The following PPP1R12B variants were observed in gnomAD, a reference collection of about 807,000 sequenced individuals.
PPP1R12B encodes protein phosphatase 1 regulatory subunit 12B.
PPP1R12B carries 76 observed loss-of-function variants against 126.1 expected under a neutral mutation model. That is an observed-to-expected ratio of 0.60 (90% CI 0.50 to 0.73). The LOEUF (loss-of-function observed/expected upper bound fraction) is 0.73, where lower values mean the gene tolerates loss of function less well. PPP1R12B is among the 30% of genes least tolerant of loss of function. The probability of loss-of-function intolerance (pLI) is 0.00; values close to 1 mark genes in which losing one functional copy is unlikely to be tolerated. For synonymous variants in PPP1R12B, 356 were observed against 434.7 expected (o/e 0.82, Z 2.25); for missense variants, 1,052 against 1,205.1 (o/e 0.87, Z 1.88).
chr1:202,503,721 A>C (rs1304831138), intron 18 of PPP1R12B, among the ~76,000 whole-genome samples: 3 of 152,126 alleles, frequency 2.0e-5, no homozygotes, highest in Non-Finnish European at 4.4e-5. Context: ...CCCTTTTTCC[A>C]AAACGAAATC....
chr1:202,361,948 T>G (rs1658288841), intron 1 of PPP1R12B, among the ~76,000 whole-genome samples: 1 of 152,150 alleles, frequency 6.6e-6, no homozygotes, highest in South Asian at 2.1e-4. Flanking sequence ...GCTTTTGTTG[T>G]GCTCTTTGAG....
At chr1:202,438,061 GT>G (rs758220522) in intron 10 of PPP1R12B, 37 bp downstream of exon 10, 284 of 1,429,712 alleles carry the variant, frequency 2.0e-4, no homozygotes, top group South Asian at 1.1e-3. Context: ...TTCCAAGGCA[GT>G]TTTTTTTTTC....
chr1:202,462,102 G>A (rs1183005097), intron 13 of PPP1R12B, among the ~76,000 whole-genome samples: 1 of 152,146 alleles, frequency 6.6e-6, no homozygotes, highest in South Asian at 2.1e-4. Context: ...ATCGGTTATA[G>A]TGACGATTGC....
intron 8 of PPP1R12B, 130 bp from the exon 9 acceptor site, chr1:202,434,526 C>T (rs1670563112): frequency 8.5e-7 from 1 of 1,178,142 alleles, no homozygotes; most frequent in African/African-American, 1.6e-5. Context: ...TAGTTTATAT[C>T]CAAGCATTAC....
chr1:202,564,328 TTC>T, intron 20 of PPP1R12B, 113 bp from the exon 21 acceptor site: 2 of 659,814 alleles, frequency 3.0e-6, no homozygotes, highest in South Asian at 1.9e-5. Context: ...TTCCTTCATT[TTC>T]TCTCTCTACC....
At chr1:202,532,774 GTTTTTT>G (rs935888437) in intron 18 of PPP1R12B, among the ~76,000 whole-genome samples, 2 of 123,988 alleles carry the variant, frequency 1.6e-5, no homozygotes, top group African/African-American at 6.0e-5. Flanking sequence ...AAAAAACTCT[GTTTTTT>G]TTTTAAACAC....
chr1:202,460,308 G>C (rs1047334974), intron 13 of PPP1R12B, among the ~76,000 whole-genome samples: 5 of 152,188 alleles, frequency 3.3e-5, no homozygotes, highest in African/African-American at 1.2e-4. Context: ...AGTACTGGCT[G>C]AGTCATATAT....
chr1:202,390,352 G>A (rs1312180060), intron 1 of PPP1R12B, among the ~76,000 whole-genome samples: 1 of 152,148 alleles, frequency 6.6e-6, no homozygotes, highest in African/African-American at 2.4e-5. Flanking sequence ...TGTTTTCCAT[G>A]ACCTCGGATT....
chr1:202,361,115 G>C (rs1466020912), intron 1 of PPP1R12B, among the ~76,000 whole-genome samples: 1 of 152,112 alleles, frequency 6.6e-6, no homozygotes, highest in African/African-American at 2.4e-5. Flanking sequence ...GAATGGTCTC[G>C]ATCTCCTGAC....
chr1:202,555,325 G>GAAAAAAAAAAAAAAAA lies in PPP1R12B; in HGVS notation c.2491-3539_2491-3524dup, dbSNP rs56752885. On this transcript the variant is annotated intron_variant, in intron 18 of 23. Transcript: ENST00000608999. ...AAAACCCTAATTTTCCTGTTTTAAT[G>GAAAAAAAAAAAAAAAA]AAAAAAAAAAAAAAAAAAAAAAAAA... is the stretch of plus-strand genomic sequence containing the variant. 2.8e-4 allele frequency among the ~76,000 whole-genome samples: 7 copies of GAAAAAAAAAAAAAAAA among 25,356 alleles called. 1 individual carries two copies. The highest frequency in any genetic ancestry group is 4.3e-3 in the East Asian group (2 of 466). 16.6% of individuals were successfully genotyped at this position (25,356 alleles called of 152,430 possible).
At chr1:202,577,828 A>G (rs1405544394) in intron 23 of PPP1R12B, among the ~76,000 whole-genome samples, 1 of 152,218 alleles carries the variant, frequency 6.6e-6, no homozygotes, top group African/African-American at 2.4e-5. Flanking sequence ...CAGTTGAGAA[A>G]TGTGTACTTA....
Position 202,358,458 on chromosome 1 carries a change from A to G in PPP1R12B, c.291+9316A>G, listed in dbSNP as rs374152557. On this transcript the variant is annotated intron_variant, in intron 1 of 23. Transcript: ENST00000608999. ...AGCACTTTGGGAGGCCAAGGCAGGCAGATCACGAGGTCAGGAGATTGAGAC... is the reference window on the plus strand; with the variant it reads ...AGCACTTTGGGAGGCCAAGGCAGGCGGATCACGAGGTCAGGAGATTGAGAC... Among the ~76,000 whole-genome samples the G allele has an allele frequency of 3.0e-4, 45 of 152,316 alleles. No individual in the cohort carries two copies. In the East Asian group the frequency reaches 8.5e-3, roughly 29 times the overall value.
At chr1:202,385,267 T>C (rs1289151695) in intron 1 of PPP1R12B, among the ~76,000 whole-genome samples, 1 of 152,214 alleles carries the variant, frequency 6.6e-6, no homozygotes, top group Non-Finnish European at 1.5e-5. Flanking sequence ...AGTTTGCATA[T>C]TATTTAGACT....
intron 3 of PPP1R12B, 95 bp from the exon 4 acceptor site, chr1:202,425,471 T>G (rs1669379676): frequency 2.3e-6 from 3 of 1,310,368 alleles, no homozygotes; most frequent in Admixed American, 4.3e-5. Context: ...TTATTTGTAT[T>G]TATGTTTATG....
chr1:202,401,658 C>T (rs1431349746), intron 1 of PPP1R12B, among the ~76,000 whole-genome samples: 6 of 152,144 alleles, frequency 3.9e-5, no homozygotes, highest in Non-Finnish European at 2.9e-5. Context: ...CTTGTGTCCT[C>T]ACATCAACCC....
At chr1:202,384,370 T>TA (rs1297243885) in intron 1 of PPP1R12B, among the ~76,000 whole-genome samples, 1 of 152,094 alleles carries the variant, frequency 6.6e-6, no homozygotes, top group East Asian at 1.9e-4. Context: ...TATTCAGCCA[T>TA]AAAAAGGAAT....
chr1:202,427,940 A>G (rs1669756563), intron 5 of PPP1R12B, among the ~76,000 whole-genome samples: 2 of 151,302 alleles, frequency 1.3e-5, no homozygotes, highest in African/African-American at 2.4e-5. Flanking sequence ...ATGAGCCACC[A>G]TGCCCAGCTG....
intron 23 of PPP1R12B, among the ~76,000 whole-genome samples, chr1:202,570,504 T>C (rs1688491933): frequency 1.3e-5 from 2 of 152,134 alleles, no homozygotes; most frequent in Non-Finnish European, 2.9e-5. Context: ...ATCTCAAACA[T>C]TTTAAATCTT....
At chr1:202,354,267 C>T (rs1244621979) in intron 1 of PPP1R12B, among the ~76,000 whole-genome samples, 1 of 152,136 alleles carries the variant, frequency 6.6e-6, no homozygotes, top group Non-Finnish European at 1.5e-5. Flanking sequence ...GTAGACAGCT[C>T]CTCCCACCCT....
Sources: allele counts gnomAD v4.1 joint callset (sites outside exome capture counted in the v4.1 genomes callset), GRCh38; gene constraint gnomAD v4.1.1; transcripts MANE v1.5; gene names NCBI Gene and HGNC (gene_info 2026-07-23, HGNC 2026-07-21).